The following CBFB variants were observed in gnomAD, a reference collection of about 807,000 sequenced individuals.
The protein encoded by CBFB is CBF-beta.
In CBFB, 9 loss-of-function variants were observed where a neutral mutation model predicts 30.4. That is an observed-to-expected ratio of 0.30 (90% CI 0.18 to 0.52). The LOEUF is 0.52. CBFB is among the 20% of genes least tolerant of loss of function. The probability of loss-of-function intolerance (pLI) is 0.97; values close to 1 mark genes in which losing one functional copy is unlikely to be tolerated. For missense variants in CBFB, 170 were observed against 244.0 expected, an observed-to-expected ratio of 0.70 and a Z score of 2.02; for synonymous variants, 94 against 84.0, an observed-to-expected ratio of 1.12 and a Z score of -0.65.
chr16:67,071,417 CTCTCTG>C (rs1961218899), intron 4 of CBFB, among the ~76,000 whole-genome samples: 1 of 152,110 alleles, frequency 6.6e-6, no homozygotes, highest in Admixed American at 6.6e-5. Flanking sequence ...CAGGAGAGAG[CTCTCTG>C]TCTCTCTCTC....
chr16:67,037,593 C>T (rs939559749), intron 3 of CBFB, among the ~76,000 whole-genome samples: 1 of 150,328 alleles, frequency 6.7e-6, no homozygotes, highest in Non-Finnish European at 1.5e-5. Flanking sequence ...GTTAAAGATA[C>T]AAAAATATAG....
intron 3 of CBFB, among the ~76,000 whole-genome samples, chr16:67,063,431 A>G (rs1283313638): frequency 2.6e-5 from 4 of 152,114 alleles, no homozygotes; most frequent in Admixed American, 2.6e-4. Flanking sequence ...CCAGGAAAGC[A>G]TAAATTTTTA....
intron 5 of CBFB, among the ~76,000 whole-genome samples, chr16:67,084,387 A>G (rs1027668768): frequency 6.6e-6 from 1 of 152,080 alleles, no homozygotes; most frequent in Non-Finnish European, 1.5e-5. Context: ...ATATCAACTA[A>G]ACAGAACCAT....
chr16:67,074,297 G>A (rs554564940), intron 4 of CBFB, among the ~76,000 whole-genome samples: 1 of 152,086 alleles, frequency 6.6e-6, no homozygotes, highest in South Asian at 2.1e-4. Flanking sequence ...AAACATTTCT[G>A]TGAGGGGAAA....
At chr16:67,040,206 G>C (rs1170758271) in intron 3 of CBFB, among the ~76,000 whole-genome samples, 1 of 152,140 alleles carries the variant, frequency 6.6e-6, no homozygotes, top group Non-Finnish European at 1.5e-5. Context: ...CACAGGACTA[G>C]GACTGGAAGC....
rs1966286442 is a variant in CBFB at position 67,029,332 on chromosome 16, G to A, written c.-76G>A. Reference sequence around the variant, plus strand: ...GGCGCCGCGGGTGGGCGGTCAGTCGGTCAGCGCGGAGCCAGCCAGCGGGTG... The same window carrying A: ...GGCGCCGCGGGTGGGCGGTCAGTCGATCAGCGCGGAGCCAGCCAGCGGGTG... On this transcript the variant is annotated 5_prime_UTR_variant, in exon 1 of 6. Coordinates refer to ENST00000412916, the MANE Select transcript of CBFB (RefSeq NM_022845.3). The A allele has an allele frequency of 7.4e-6, 8 of 1,073,986 alleles. No individual in the cohort carries two copies. In the South Asian group the frequency reaches 2.1e-4, roughly 28 times the overall value. 66.5% of individuals were successfully genotyped at this position (1,073,986 alleles called of 1,614,324 possible).
chr16:67,067,672 T>C (rs538943264), intron 4 of CBFB, among the ~76,000 whole-genome samples: 6 of 152,194 alleles, frequency 3.9e-5, no homozygotes, highest in African/African-American at 1.4e-4. Flanking sequence ...GCGGGCAGGG[T>C]AAGCCATGAG....
chr16:67,063,220 C>G (rs959610397), intron 3 of CBFB, among the ~76,000 whole-genome samples: 1 of 152,144 alleles, frequency 6.6e-6, no homozygotes, highest in Non-Finnish European at 1.5e-5. Context: ...GAGCACTTAT[C>G]AGAACAGAAG....
intron 3 of CBFB, among the ~76,000 whole-genome samples, chr16:67,048,675 C>T (rs774920518): frequency 6.6e-5 from 10 of 151,782 alleles, no homozygotes; most frequent in Non-Finnish European, 7.4e-5. Flanking sequence ...CTCAGCCTCC[C>T]GAGTAGCTGG....
chr16:67,085,803 G>C (rs958290918), intron 5 of CBFB, among the ~76,000 whole-genome samples: 1 of 148,566 alleles, frequency 6.7e-6, no homozygotes, highest in Non-Finnish European at 1.5e-5. Flanking sequence ...TCAGCCTCCC[G>C]AGTAGCTGGG....
intron 4 of CBFB, among the ~76,000 whole-genome samples, chr16:67,075,035 C>A (rs576329361): frequency 6.6e-6 from 1 of 152,042 alleles, no homozygotes; most frequent in South Asian, 2.1e-4. Context: ...CTAAAAAATA[C>A]AAAAATTAGC....
intron 5 of CBFB, among the ~76,000 whole-genome samples, chr16:67,094,159 A>G (rs1446271526): frequency 8.2e-6 from 1 of 121,230 alleles, no homozygotes; most frequent in African/African-American, 3.3e-5. Flanking sequence ...GGATCTCACT[A>G]TGTTGGCCGG....
chr16:67,059,787 C>A (rs1184936768), intron 3 of CBFB, among the ~76,000 whole-genome samples: 1 of 152,078 alleles, frequency 6.6e-6, no homozygotes, highest in Non-Finnish European at 1.5e-5. Context: ...CTCTTCCTTT[C>A]CTCTGGATTT....
At chr16:67,095,935 G>A (rs968941218) in intron 5 of CBFB, among the ~76,000 whole-genome samples, 1 of 151,542 alleles carries the variant, frequency 6.6e-6, no homozygotes, top group Non-Finnish European at 1.5e-5. Flanking sequence ...CAGGTGATCC[G>A]CCCACCTTGG....
At chr16:67,060,263 T>C (rs1960868828) in intron 3 of CBFB, among the ~76,000 whole-genome samples, 1 of 152,148 alleles carries the variant, frequency 6.6e-6, no homozygotes, top group South Asian at 2.1e-4. Flanking sequence ...CCACCACTCC[T>C]GGCAGCAAAC....
intron 3 of CBFB, among the ~76,000 whole-genome samples, chr16:67,050,371 C>T (rs1966718615): frequency 6.6e-6 from 1 of 151,092 alleles, no homozygotes; most frequent in Non-Finnish European, 1.5e-5. Flanking sequence ...TCAGGGATTC[C>T]TGTACTGTTG....
chr16:67,079,845 A>C (rs1961505763), intron 4 of CBFB, among the ~76,000 whole-genome samples: 1 of 152,144 alleles, frequency 6.6e-6, no homozygotes, highest in Admixed American at 6.5e-5. Context: ...CAAGTGTACC[A>C]TCAAAAATCC....
intron 3 of CBFB, among the ~76,000 whole-genome samples, chr16:67,065,986 A>G (rs1025272865): frequency 6.6e-6 from 1 of 152,212 alleles, no homozygotes; most frequent in Non-Finnish European, 1.5e-5. Context: ...ACCACATACT[A>G]CTTAATGTGA....
At position 67,100,570 on chromosome 16, in the gene CBFB, G is replaced by A. The variant is rs1367831772; in HGVS notation, c.*1792G>A. 8.8e-6 allele frequency: 2 copies of A among 226,780 alleles called. No individual in the cohort carries two copies. The highest frequency in any genetic ancestry group is 2.2e-5 in the African/African-American group (1 of 45,002). The allele number at this position is 226,780 out of a possible 1,614,324, so 14.0% of individuals were successfully genotyped here. A position where few individuals can be genotyped will look rare whatever the true frequency, so the allele number is the denominator to read the frequency against. On this transcript the variant is annotated 3_prime_UTR_variant, in exon 6 of 6. Transcript: ENST00000412916. ...CCCCTGAGGGAATCGCTTTTTAAGT[G>A]ATCCTTACAGTGGTGTTTTATGTTA...
Sources: allele counts gnomAD v4.1 joint callset (sites outside exome capture counted in the v4.1 genomes callset), GRCh38; gene constraint gnomAD v4.1.1; transcripts MANE v1.5; gene names NCBI Gene and HGNC (gene_info 2026-07-23, HGNC 2026-07-21).